The following SAMD5 variants were observed in gnomAD, a reference collection of about 807,000 sequenced individuals.
SAMD5 encodes the protein sterile alpha motif domain containing 5.
SAMD5 carries 13 observed loss-of-function variants against 11.3 expected under a neutral mutation model. The ratio of observed to expected loss-of-function variants is 1.15; its 90% CI spans 0.75 to 1.83. SAMD5 has a LOEUF of 1.83. SAMD5 is among the 40% of genes most tolerant of loss of function. SAMD5 has a pLI of 0.00. For missense variants in SAMD5, 255 were observed against 239.1 expected, an observed-to-expected ratio of 1.07 and a Z score of -0.44; for synonymous variants, 129 against 111.3, an observed-to-expected ratio of 1.16 and a Z score of -1.00.
chr6:147,930,865 G>A, the SAMD5 span, among the ~76,000 whole-genome samples: 1 of 152,194 alleles, frequency 6.6e-6, no homozygotes, highest in South Asian at 2.1e-4. Context: ...CTTTGTTCTA[G>A]CTGTGCCTGC....
At chr6:147,868,932 T>A in the SAMD5 span, among the ~76,000 whole-genome samples, 11 of 152,310 alleles carry the variant, frequency 7.2e-5, no homozygotes, top group South Asian at 2.3e-3. Flanking sequence ...TCTAGAAGTA[T>A]TTGCAGAGGC....
At chr6:147,819,063 A>T in the SAMD5 span, among the ~76,000 whole-genome samples, 1 of 152,202 alleles carries the variant, frequency 6.6e-6, no homozygotes, top group East Asian at 1.9e-4. Flanking sequence ...AATAGCAAAG[A>T]CATGAAATCA....
the SAMD5 span, among the ~76,000 whole-genome samples, chr6:147,802,581 T>C: frequency 6.6e-6 from 1 of 150,862 alleles, no homozygotes; most frequent in African/African-American, 2.4e-5. Flanking sequence ...AAGGACAGCG[T>C]ATGTTCACAG....
chr6:147,820,483 T>C, the SAMD5 span, among the ~76,000 whole-genome samples: 1 of 152,232 alleles, frequency 6.6e-6, no homozygotes, highest in African/African-American at 2.4e-5. Flanking sequence ...CTTAATGATT[T>C]GAGGTAGCTC....
At chr6:147,911,821 C>A in the SAMD5 span, among the ~76,000 whole-genome samples, 1 of 152,244 alleles carries the variant, frequency 6.6e-6, no homozygotes, top group Non-Finnish European at 1.5e-5. Context: ...TGATCCCAGA[C>A]AGACTAGCCA....
chr6:147,601,319 C>A lies in SAMD5; in HGVS notation c.162+91932C>A, dbSNP rs183578037. On this transcript the variant is annotated intron_variant, in intron 1 of 1. Coordinates refer to the SAMD5 transcript ENST00000566741. Reference sequence around the variant, plus strand: ...TATAAATGTACCTTATTTGTACATACCCTGAACACCATAAATCAGATTTTT... The same window carrying A: ...TATAAATGTACCTTATTTGTACATAACCTGAACACCATAAATCAGATTTTT... Among the ~76,000 whole-genome samples the A allele has an allele frequency of 1.3e-3, 199 of 151,482 alleles. 1 individual carries two copies. The highest frequency in any genetic ancestry group is 5.0e-3 in the South Asian group (24 of 4,776).
intron 1 of SAMD5, among the ~76,000 whole-genome samples, chr6:147,707,760 T>C (rs9390493): frequency 0.41 from 61,506 of 151,866 alleles, 14,641 homozygotes; most frequent in Admixed American, 0.53. Context: ...AAACAGATAC[T>C]GAAGAAAAGC....
chr6:147,742,237 A>AGT (rs1394434514), downstream of SAMD5, among the ~76,000 whole-genome samples: 4 of 151,006 alleles, frequency 2.6e-5, no homozygotes, highest in Non-Finnish European at 5.9e-5. Context: ...CATGTTCACT[A>AGT]GTGTGTGTGT....
chr6:147,553,821 CA>C (rs1788810482), intron 1 of SAMD5, among the ~76,000 whole-genome samples: 1 of 152,136 alleles, frequency 6.6e-6, no homozygotes, highest in South Asian at 2.1e-4. Context: ...ACTTGAAAGC[CA>C]CATCACAGCA....
At chr6:147,839,728 C>T in the SAMD5 span, among the ~76,000 whole-genome samples, 2 of 152,064 alleles carry the variant, frequency 1.3e-5, no homozygotes, top group African/African-American at 4.8e-5. Context: ...CCAGCCTGGG[C>T]AACAAGAGCA....
the SAMD5 span, among the ~76,000 whole-genome samples, chr6:147,847,232 A>C: frequency 6.6e-6 from 1 of 152,090 alleles, no homozygotes; most frequent in Non-Finnish European, 1.5e-5. Flanking sequence ...AGGTTTCTGT[A>C]TAATCTCTAG....
chr6:147,952,443 C>G, the SAMD5 span, among the ~76,000 whole-genome samples: 1 of 152,168 alleles, frequency 6.6e-6, no homozygotes, highest in African/African-American at 2.4e-5. Flanking sequence ...AACATACTAT[C>G]AAGGTATTCC....
chr6:147,926,770 A>G, the SAMD5 span, among the ~76,000 whole-genome samples: 1 of 152,058 alleles, frequency 6.6e-6, no homozygotes, highest in Non-Finnish European at 1.5e-5. Context: ...CCAAGATGGT[A>G]TTGCCTAGGT....
chr6:147,609,306 G>A (rs143828340), intron 1 of SAMD5, among the ~76,000 whole-genome samples: 36 of 152,214 alleles, frequency 2.4e-4, no homozygotes, highest in South Asian at 2.1e-3. Flanking sequence ...GAAGATGGCC[G>A]CCTACAAGCT....
chr6:147,666,858 C>T (rs750637080), intron 1 of SAMD5, among the ~76,000 whole-genome samples: 5 of 152,074 alleles, frequency 3.3e-5, no homozygotes, highest in Non-Finnish European at 7.4e-5. Context: ...TTGTTTATTC[C>T]CGTAAATTAC....
chr6:147,693,837 C>T (rs187030973), intron 1 of SAMD5, among the ~76,000 whole-genome samples: 114 of 152,110 alleles, frequency 7.5e-4, no homozygotes, highest in African/African-American at 2.5e-3. Flanking sequence ...GGCGTGGTGG[C>T]GGGCATCTGT....
chr6:147,811,530 C>A, the SAMD5 span, among the ~76,000 whole-genome samples: 1 of 151,968 alleles, frequency 6.6e-6, no homozygotes, highest in Non-Finnish European at 1.5e-5. Flanking sequence ...CGTGCATATG[C>A]AGGATGGATT....
chr6:147,830,268 T>TTG, the SAMD5 span, among the ~76,000 whole-genome samples: 1 of 140,240 alleles, frequency 7.1e-6, no homozygotes, highest in African/African-American at 2.7e-5. Flanking sequence ...TTTTTTTTTT[T>TTG]TTTTTTTTGA....
At chr6:147,925,469 C>A in the SAMD5 span, among the ~76,000 whole-genome samples, 1 of 150,880 alleles carries the variant, frequency 6.6e-6, no homozygotes, top group African/African-American at 2.5e-5. Flanking sequence ...GTTATAGGAA[C>A]TATGGAAAAT....
Sources: gnomAD v4.1 joint callset for allele counts (sites outside exome capture counted in the v4.1 genomes callset) on GRCh38, gnomAD v4.1.1 for gene constraint, MANE v1.5 for transcripts, NCBI Gene and HGNC (gene_info 2026-07-23, HGNC 2026-07-21) for gene names.